SI: variants seen among roughly 807,000 people sequenced by gnomAD.
The protein encoded by SI is sucrase-isomaltase, also known as sucrase-isomaltase, intestinal.
SI carries 235 observed loss-of-function variants against 253.3 expected under a neutral mutation model. The ratio of observed to expected loss-of-function variants is 0.93; its 90% CI spans 0.83 to 1.03. SI has a LOEUF of 1.03. Ranked by LOEUF, SI falls within the 50% of genes least tolerant of loss-of-function variation. The pLI is 0.00. For synonymous variants in SI, 819 were observed against 712.0 expected, an observed-to-expected ratio of 1.15 and a Z score of -2.39; for missense variants, 2,442 against 2,211.1, an observed-to-expected ratio of 1.10 and a Z score of -2.09.
At chr3:164,980,388 T>C (rs548743696) in intron 47 of SI, among the ~76,000 whole-genome samples, 1 of 151,972 alleles carries the variant, frequency 6.6e-6, no homozygotes, top group Non-Finnish European at 1.5e-5. Flanking sequence ...ACTTTTTACA[T>C]AAATCAGCTG....
At chr3:164,993,827 G>C (rs952792781) in intron 41 of SI, among the ~76,000 whole-genome samples, 1 of 151,608 alleles carries the variant, frequency 6.6e-6, no homozygotes, top group Non-Finnish European at 1.5e-5. Flanking sequence ...ATCTCATTGG[G>C]ATACATCAAG....
In SI at chr3:165,063,530, A is replaced by T; in HGVS notation, c.819T>A (p.Asn273Lys). ...TAAAGAATGTTTGATGGCCGTATAA[A>T]TTATTATTATTCTATAAGGCAAGAA... ...RDQLPGDNNN[N>K]LYGHQTFFMC... The change falls in exon 8 of 48, where the codon AAT (asparagine) becomes AAA (lysine). Residue 273 changes from asparagine (N) to lysine (K), a missense_variant. Physicochemically the swap from Asn to Lys is moderately conservative, Grantham distance 94. Coordinates refer to ENST00000264382, the MANE Select transcript of SI (RefSeq NM_001041.4). 7.0e-7 allele frequency: 1 copy of T among 1,435,170 alleles called. No homozygotes were observed. Among genetic ancestry groups the T allele is most frequent in the East Asian group, 2.3e-5 (1 of 43,358 alleles). 88.9% of individuals were successfully genotyped at this position (1,435,170 alleles called of 1,614,324 possible).
chr3:165,018,243 T>C (rs1719136974), intron 28 of SI, among the ~76,000 whole-genome samples, 177 bp from the exon 29 acceptor site: 1 of 151,558 alleles, frequency 6.6e-6, no homozygotes, highest in Non-Finnish European at 1.5e-5. Context: ...ATTGTTTAAA[T>C]TTTTTCTGCT....
At chr3:164,986,023 G>A (rs1038772247) in intron 45 of SI, among the ~76,000 whole-genome samples, 4 of 150,520 alleles carry the variant, frequency 2.7e-5, no homozygotes, top group African/African-American at 1.0e-4. Flanking sequence ...GTAAAAAAAT[G>A]CTAAATACTA....
intron 7 of SI, 58 bp downstream of exon 7, chr3:165,065,203 G>T (rs1355345115): frequency 2.1e-5 from 23 of 1,121,590 alleles, no homozygotes; most frequent in Non-Finnish European, 3.1e-5. Flanking sequence ...AATATGCTAA[G>T]ATTTTCATCT....
At chr3:165,059,582 C>A (rs959043543) in intron 10 of SI, among the ~76,000 whole-genome samples, 2 of 151,780 alleles carry the variant, frequency 1.3e-5, no homozygotes, top group African/African-American at 4.8e-5. Flanking sequence ...ATCAAAAATA[C>A]ACTTTTCAGA....
intron 41 of SI, among the ~76,000 whole-genome samples, chr3:164,993,387 T>C (rs908378823): frequency 2.0e-5 from 3 of 151,622 alleles, no homozygotes; most frequent in Admixed American, 6.6e-5. Flanking sequence ...GTTGTTGTTT[T>C]AGGAAAACTG....
intron 1 of SI, 22 bp from the exon 2 acceptor site, chr3:165,076,034 T>A (rs1714950418): frequency 1.4e-6 from 2 of 1,449,898 alleles, no homozygotes; most frequent in African/African-American, 1.4e-5. Flanking sequence ...AAAGAATATA[T>A]ATTTAAAATG....
intron 25 of SI, among the ~76,000 whole-genome samples, chr3:165,030,148 G>C (rs1712156804): frequency 6.7e-6 from 1 of 149,820 alleles, no homozygotes; most frequent in South Asian, 2.1e-4. Flanking sequence ...GTAATGAAAA[G>C]CCCAGAATTT....
At position 165,032,525 on chromosome 3, in the gene SI, G is replaced by A. The variant is rs768134932; in HGVS notation, c.2733C>T (p.Asn911=). ...TATTTTAAAAGATTGTAATTACCTG[G>A]TTAGAAGCATCATAAGTGAAATTGG... ...AHSNFTYDAS[N]QVLLIADLKL... is the part of the protein sequence containing the mutation. The change falls in exon 24 of 48, where the codon AAC becomes AAT. Residue 911 remains asparagine, a synonymous_variant. Coordinates refer to ENST00000264382, the MANE Select transcript of SI (RefSeq NM_001041.4). The A allele has an allele frequency of 1.9e-6, 3 of 1,597,216 alleles. No individual in the cohort carries two copies. The highest frequency in any genetic ancestry group is 2.6e-6 in the Non-Finnish European group (3 of 1,166,828).
At chr3:165,073,925 G>A (rs2108112719) in intron 3 of SI, among the ~76,000 whole-genome samples, 1 of 152,042 alleles carries the variant, frequency 6.6e-6, no homozygotes, top group South Asian at 2.1e-4. Flanking sequence ...CAGAAGTCCT[G>A]AAACCAATTC....
At chr3:165,042,968 A>C in intron 17 of SI, 91 bp downstream of exon 17, 1 of 813,258 alleles carries the variant, frequency 1.2e-6, no homozygotes, top group African/African-American at 1.7e-5. Context: ...ACAATCTTTC[A>C]GACCATATAC....
At chr3:165,071,869 CTG>C (rs754786666) in intron 3 of SI, among the ~76,000 whole-genome samples, 1 of 152,132 alleles carries the variant, frequency 6.6e-6, no homozygotes, top group South Asian at 2.1e-4. Flanking sequence ...GCTTCCAAGA[CTG>C]TGAGAAAATA....
At chr3:165,041,665 A>G (rs1560003629) in intron 17 of SI, among the ~76,000 whole-genome samples, 1 of 152,076 alleles carries the variant, frequency 6.6e-6, no homozygotes, top group Non-Finnish European at 1.5e-5. Flanking sequence ...TAGACTTACA[A>G]TTTGTAGTGC....
At chr3:165,082,000 C>T (rs1329395204), upstream of SI, among the ~76,000 whole-genome samples, 1 of 151,894 alleles carries the variant, frequency 6.6e-6, no homozygotes, top group Non-Finnish European at 1.5e-5. Context: ...CACACAGATG[C>T]ATAGATAAAT....
chr3:164,987,490 C>A (rs1717497561), intron 44 of SI, among the ~76,000 whole-genome samples: 3 of 152,166 alleles, frequency 2.0e-5, no homozygotes, highest in African/African-American at 7.2e-5. Flanking sequence ...GCGGGTGGAT[C>A]ATGAGGTCAG....
intron 16 of SI, 123 bp downstream of exon 16, chr3:165,046,718 A>G: frequency 1.2e-6 from 1 of 817,062 alleles, no homozygotes; most frequent in Non-Finnish European, 1.9e-6. Context: ...ACTCCATAAA[A>G]ATAAAAAACT....
Position 165,021,397 on chromosome 3 carries a change from GTAGTAAAAAAGT to G in SI, c.3100-26_3100-15del. On this transcript the variant is annotated splice_polypyrimidine_tract_variant and intron_variant, in intron 26 of 47. Transcript: ENST00000264382. ...GGGATCATAAATCTATTGCAGATAA[GTAGTAAAAAAGT>G]TTATTCTGATTGCTGACATAGCATG... The G allele has an allele frequency of 6.2e-7, 1 of 1,605,946 alleles. No homozygotes were observed. The highest frequency in any genetic ancestry group is 8.5e-7 in the Non-Finnish European group (1 of 1,173,580).
At position 165,068,798 on chromosome 3, in the gene SI, G is replaced by C. The variant is rs754416782; in HGVS notation, c.407C>G (p.Pro136Arg). 1 of 1,613,146 alleles carries C rather than the reference G, an allele frequency of 6.2e-7. No individual in the cohort carries two copies. Among genetic ancestry groups the C allele is most frequent in the East Asian group, 2.2e-5 (1 of 44,768 alleles). The change falls in exon 5 of 48, where the codon CCT becomes CGT. Residue 136 changes from proline (P) to arginine (R), a missense_variant. Pro to Arg is a moderately radical substitution (Grantham distance 103). Transcript: ENST00000264382. ...GTTGATGTCATTTCCAAATAGTGTAGGTGAAGGTATCCTGTTTAATTTGGC... is the reference window on the plus strand; with the variant it reads ...GTTGATGTCATTTCCAAATAGTGTACGTGAAGGTATCCTGTTTAATTTGGC... Reference protein sequence around the residue: ...VEAKLNRIPSPTLFGNDINSV... With the variant: ...VEAKLNRIPSRTLFGNDINSV...
Sources: gnomAD v4.1 joint callset for allele counts (sites outside exome capture counted in the v4.1 genomes callset) on GRCh38, gnomAD v4.1.1 for gene constraint, MANE v1.5 for transcripts, NCBI Gene and HGNC (gene_info 2026-07-23, HGNC 2026-07-21) for gene names.